PICALM: variants seen among roughly 807,000 people sequenced by gnomAD.
The protein encoded by PICALM is phosphatidylinositol-binding clathrin assembly protein.
PICALM carries 40 observed loss-of-function variants against 80.5 expected under a neutral mutation model. The ratio of observed to expected loss-of-function variants is 0.50; its 90% CI spans 0.39 to 0.65. PICALM has a LOEUF of 0.65. PICALM is among the 30% of genes least tolerant of loss of function. PICALM has a pLI of 0.00. For synonymous variants in PICALM, 288 were observed against 260.3 expected (o/e 1.11, Z -1.02); for missense variants, 676 against 778.9 (o/e 0.87, Z 1.57).
At chr11:85,978,654 T>C (rs999511951) in intron 17 of PICALM, 1 of 152,066 alleles carries the variant, frequency 6.6e-6, no homozygotes, top group African/African-American at 2.4e-5. Flanking sequence ...CTCCATAAAA[T>C]ACATATAAAT....
At chr11:86,020,426 A>G (rs1420937735) in intron 4 of PICALM, among the ~76,000 whole-genome samples, 8 of 144,908 alleles carry the variant, frequency 5.5e-5, no homozygotes, top group African/African-American at 1.6e-4. Flanking sequence ...AATCTTGGGA[A>G]AAAAAAAAAA....
At chr11:86,053,662 G>C (rs1478955544) in intron 1 of PICALM, among the ~76,000 whole-genome samples, 1 of 152,000 alleles carries the variant, frequency 6.6e-6, no homozygotes, top group East Asian at 1.9e-4. Context: ...CTGCCTCCTG[G>C]GCTCAAGTGA....
chr11:86,042,983 C>T (rs1345159046), intron 1 of PICALM, among the ~76,000 whole-genome samples: 2 of 152,078 alleles, frequency 1.3e-5, no homozygotes, highest in South Asian at 2.1e-4. Flanking sequence ...GAGAAAAGTA[C>T]GTTATTAGTT....
At chr11:86,067,421 T>C (rs2096462440) in intron 1 of PICALM, among the ~76,000 whole-genome samples, 1 of 152,148 alleles carries the variant, frequency 6.6e-6, no homozygotes, top group Non-Finnish European at 1.5e-5. Context: ...TTGGCTTGAG[T>C]GATCCAATGA....
At chr11:86,044,886 C>T (rs930472936) in intron 1 of PICALM, among the ~76,000 whole-genome samples, 1 of 152,204 alleles carries the variant, frequency 6.6e-6, no homozygotes, top group Non-Finnish European at 1.5e-5. Flanking sequence ...CCGAAACCAT[C>T]CCTCCACACA....
Position 86,069,053 on chromosome 11 carries a change from G to C in PICALM, c.-273C>G, listed in dbSNP as rs2096486646. 1 of 413,878 alleles carries C rather than the reference G, an allele frequency of 2.4e-6. No individual in the cohort carries two copies. Among genetic ancestry groups the C allele is most frequent in the Non-Finnish European group, 4.4e-6 (1 of 228,244 alleles). 25.6% of individuals were successfully genotyped at this position (413,878 alleles called of 1,614,324 possible). A position where few individuals can be genotyped will look rare whatever the true frequency, so the allele number is the denominator to read the frequency against. The stretch of plus-strand genomic sequence containing the variant: ...CCCGGGTCAGCTGGAGCCGGGCAGG[G>C]TAAGAGGAACAGGCAGCTGCAGGAA... On this transcript the variant is annotated 5_prime_UTR_variant, in exon 1 of 20. Transcript: ENST00000393346.
intron 11 of PICALM, among the ~76,000 whole-genome samples, chr11:85,997,460 A>G (rs1027366844): frequency 7.2e-5 from 11 of 152,108 alleles, no homozygotes; most frequent in Admixed American, 2.0e-4. Flanking sequence ...CACACTATTT[A>G]CATGATATAT....
chr11:86,006,424 G>C (rs2095278266), intron 8 of PICALM, among the ~76,000 whole-genome samples: 1 of 152,170 alleles, frequency 6.6e-6, no homozygotes. Context: ...TAGGCGGGCA[G>C]ATCACCTGAG....
rs1030157350 is a variant in PICALM, at chr11:86,069,003, C to G, written c.-223G>C. On this transcript the variant is annotated 5_prime_UTR_variant, in exon 1 of 20. Coordinates refer to ENST00000393346, the MANE Select transcript of PICALM (RefSeq NM_007166.4). ...ACAAGATGTCGGGCACTCCCTTGCC[C>G]CCGCCTCAGTTCAGCCCACCCCTTC... 7 of 560,204 alleles carry G rather than the reference C, an allele frequency of 1.2e-5. No individual in the cohort carries two copies. The highest frequency in any genetic ancestry group is 2.2e-5 in the Non-Finnish European group (7 of 320,538). 34.7% of individuals were successfully genotyped at this position (560,204 alleles called of 1,614,324 possible).
At chr11:85,967,431 C>A (rs2093938745) in intron 19 of PICALM, among the ~76,000 whole-genome samples, 1 of 152,178 alleles carries the variant, frequency 6.6e-6, no homozygotes, top group South Asian at 2.1e-4. Flanking sequence ...AGGTCTTATT[C>A]TATAAGTTGT....
At chr11:86,003,050 C>T (rs887126933) in intron 9 of PICALM, among the ~76,000 whole-genome samples, 3 of 152,066 alleles carry the variant, frequency 2.0e-5, no homozygotes, top group African/African-American at 7.2e-5. Context: ...AACTACAAAG[C>T]ACCACATAAA....
intron 18 of PICALM, 152 bp downstream of exon 18, chr11:85,976,471 C>T (rs1238245785): frequency 2.2e-5 from 12 of 548,634 alleles, no homozygotes; most frequent in Non-Finnish European, 1.0e-5. Flanking sequence ...TCTAGACATA[C>T]TTATGAAACC....
chr11:85,960,048 TATACAA>T (rs2093636248), intron 19 of PICALM, among the ~76,000 whole-genome samples: 1 of 152,132 alleles, frequency 6.6e-6, no homozygotes, highest in Non-Finnish European at 1.5e-5. Flanking sequence ...TTCCAAATGA[TATACAA>T]TTAGAGACAA....
intron 19 of PICALM, among the ~76,000 whole-genome samples, chr11:85,970,526 C>A (rs907437322): frequency 6.6e-6 from 1 of 152,212 alleles, no homozygotes; most frequent in African/African-American, 2.4e-5. Context: ...TTTAGATTCA[C>A]CTCCTTAGGC....
At chr11:85,964,641 T>C (rs1042833527) in intron 19 of PICALM, among the ~76,000 whole-genome samples, 1 of 151,576 alleles carries the variant, frequency 6.6e-6, no homozygotes, top group Non-Finnish European at 1.5e-5. Flanking sequence ...CTAGCTCAAA[T>C]GTCATTGCCT....
At chr11:86,049,166 C>T (rs2096132419) in intron 1 of PICALM, among the ~76,000 whole-genome samples, 1 of 151,962 alleles carries the variant, frequency 6.6e-6, no homozygotes, top group South Asian at 2.1e-4. Flanking sequence ...GGTGGGTGCA[C>T]ACCTATAATC....
intron 11 of PICALM, among the ~76,000 whole-genome samples, chr11:85,999,184 C>G (rs1437116492): frequency 1.3e-5 from 2 of 152,112 alleles, no homozygotes; most frequent in African/African-American, 2.4e-5. Flanking sequence ...AGAACTTATT[C>G]CTTCTAACTG....
intron 1 of PICALM, among the ~76,000 whole-genome samples, chr11:86,037,241 A>T (rs1407886275): frequency 7.2e-6 from 1 of 138,142 alleles, no homozygotes; most frequent in Non-Finnish European, 1.5e-5. Context: ...CACCACACCC[A>T]GCCAAAAAAA....
At chr11:85,968,004 C>T (rs1164908231) in intron 19 of PICALM, among the ~76,000 whole-genome samples, 1 of 152,102 alleles carries the variant, frequency 6.6e-6, no homozygotes, top group Non-Finnish European at 1.5e-5. Flanking sequence ...AACTGGCAGT[C>T]CTCCTTTAAA....
Sources: gnomAD v4.1 joint callset for allele counts (sites outside exome capture counted in the v4.1 genomes callset) on GRCh38, gnomAD v4.1.1 for gene constraint, MANE v1.5 for transcripts, NCBI Gene and HGNC (gene_info 2026-07-23, HGNC 2026-07-21) for gene names.